ACYP2: variants seen among roughly 807,000 people sequenced by gnomAD.
ACYP2 encodes acylphosphatase-2.
Under a neutral mutation model 11.2 loss-of-function variants are expected in ACYP2, and 12 were observed. The observed-to-expected ratio is 1.08, with a 90% CI of 0.69 to 1.74. ACYP2 has a LOEUF of 1.74. ACYP2 is among the 40% of genes most tolerant of loss of function. The pLI is 0.00. For missense variants in ACYP2, 134 were observed against 101.9 expected (o/e 1.31, Z -1.35); for synonymous variants, 43 against 32.2 (o/e 1.33, Z -1.13).
At chr2:54,273,936 C>T (rs1279396765) in intron 6 of ACYP2, among the ~76,000 whole-genome samples, 7 of 152,268 alleles carry the variant, frequency 4.6e-5, no homozygotes, top group South Asian at 4.1e-4. Flanking sequence ...ACAAGTGTCT[C>T]GTTTTGTCTT....
At chr2:54,258,083 A>G (rs1687633573) in intron 6 of ACYP2, among the ~76,000 whole-genome samples, 2 of 152,204 alleles carry the variant, frequency 1.3e-5, no homozygotes, top group Admixed American at 1.3e-4. Context: ...ATAACGGTGA[A>G]CAGACCAAAG....
intron 6 of ACYP2, among the ~76,000 whole-genome samples, chr2:54,277,553 C>T (rs376949107): frequency 2.0e-5 from 3 of 152,196 alleles, no homozygotes; most frequent in African/African-American, 4.8e-5. Context: ...TGGCATGCGC[C>T]TGTAATCCCA....
intron 2 of ACYP2, among the ~76,000 whole-genome samples, chr2:53,993,297 T>C (rs536820211): frequency 6.6e-6 from 1 of 151,590 alleles, no homozygotes; most frequent in East Asian, 1.9e-4. Flanking sequence ...GAGATGATGG[T>C]GTGGAGAAGG....
At chr2:54,029,430 C>CACACATATGTATATATGTATATGT in intron 2 of ACYP2, 2 of 213,210 alleles carry the variant, frequency 9.4e-6, no homozygotes, top group South Asian at 1.6e-4. Flanking sequence ...CATATATATA[C>CACACATATGTATATATGTATATGT]ACACATATGT....
intron 3 of ACYP2, among the ~76,000 whole-genome samples, chr2:54,056,530 A>G (rs1676162195): frequency 6.6e-6 from 1 of 152,224 alleles, no homozygotes. Context: ...TCTAGATGGT[A>G]AAATAAGTAT....
chr2:54,039,755 A>G (rs147258881), intron 2 of ACYP2, among the ~76,000 whole-genome samples: 322 of 149,112 alleles, frequency 2.2e-3, no homozygotes, highest in African/African-American at 7.5e-3. Context: ...CAGAAGAGTG[A>G]TCTTCTTGAA....
rs150036134 is a variant in ACYP2 at position 54,051,233 on chromosome 2, C to T, written c.155+183C>T. On this transcript the variant is annotated intron_variant, in intron 3 of 6. Transcript: ENST00000607452. Reference sequence around the variant, plus strand: ...AATGGGCAAAGGAGATCCTAAGAAGCTGAGAGGCAAAATGTCATCATATGC... The same window carrying T: ...AATGGGCAAAGGAGATCCTAAGAAGTTGAGAGGCAAAATGTCATCATATGC... 6.7e-4 allele frequency: 590 copies of T among 874,308 alleles called. 2 individuals are homozygous for T. The African/African-American group carries it at 8.7e-3, about 13-fold the overall frequency. 54.2% of individuals were successfully genotyped at this position (874,308 alleles called of 1,614,324 possible). A position where few individuals can be genotyped will look rare whatever the true frequency, so the allele number is the denominator to read the frequency against.
At chr2:54,255,210 C>T (rs751735078) in intron 6 of ACYP2, 1 of 1,614,196 alleles carries the variant, frequency 6.2e-7, no homozygotes, top group South Asian at 1.1e-5. Context: ...AGGATCTGAC[C>T]TCATACACCT....
intron 6 of ACYP2, among the ~76,000 whole-genome samples, chr2:54,270,558 G>A (rs1016991660): frequency 6.6e-6 from 1 of 152,116 alleles, no homozygotes; most frequent in Non-Finnish European, 1.5e-5. Context: ...AGTGAGCCAT[G>A]ATCACACAAC....
At chr2:54,032,398 C>A (rs1320810940) in intron 2 of ACYP2, among the ~76,000 whole-genome samples, 1 of 152,180 alleles carries the variant, frequency 6.6e-6, no homozygotes, top group East Asian at 1.9e-4. Flanking sequence ...TCGCCCATGT[C>A]TTGTTTTCAT....
At chr2:54,085,487 G>C (rs1288079481) in intron 4 of ACYP2, among the ~76,000 whole-genome samples, 1 of 152,078 alleles carries the variant, frequency 6.6e-6, no homozygotes, top group Non-Finnish European at 1.5e-5. Context: ...TCTTAAATGT[G>C]TATATAGCTC....
At chr2:54,029,437 A>G (rs777777632) in intron 2 of ACYP2, 12 of 242,694 alleles carry the variant, frequency 4.9e-5, no homozygotes, top group Non-Finnish European at 8.9e-5. Context: ...ATACACACAT[A>G]TGTATATATG....
intron 6 of ACYP2, among the ~76,000 whole-genome samples, chr2:54,286,185 G>A (rs937941917): frequency 2.0e-5 from 3 of 150,916 alleles, no homozygotes; most frequent in Non-Finnish European, 4.4e-5. Context: ...TTGAGCCCAG[G>A]CATTCAAGAC....
chr2:54,140,533 C>CAT (rs1455487486), intron 6 of ACYP2, among the ~76,000 whole-genome samples: 1 of 132,452 alleles, frequency 7.5e-6, no homozygotes, highest in African/African-American at 2.7e-5. Flanking sequence ...CTCTCTCACA[C>CAT]ACACACACAC....
Position 54,304,891 on chromosome 2 carries a change from G to T in ACYP2, c.*89G>T. 197 of 526,494 alleles carry T rather than the reference G, an allele frequency of 3.7e-4. No homozygotes were observed. The highest frequency in any genetic ancestry group is 4.0e-4 in the East Asian group (11 of 27,246). 32.6% of individuals were successfully genotyped at this position (526,494 alleles called of 1,614,324 possible). On this transcript the variant is annotated 3_prime_UTR_variant, in exon 7 of 7. Coordinates refer to ENST00000607452, the MANE Select transcript of ACYP2 (RefSeq NM_001320586.2). ...TAGAATAATAGTAGCAGAGTAGGGT[G>T]AAAAGGAACTTTCTGTTCTGAAAGC...
chr2:54,056,373 G>T (rs1434784468), intron 3 of ACYP2, among the ~76,000 whole-genome samples: 1 of 152,220 alleles, frequency 6.6e-6, no homozygotes, highest in African/African-American at 2.4e-5. Flanking sequence ...TCCACAGGTT[G>T]TCAACATCCC....
intron 4 of ACYP2, chr2:54,065,792 T>C: frequency 3.2e-6 from 1 of 310,890 alleles, no homozygotes; most frequent in Non-Finnish European, 5.8e-6. Context: ...ATTGTTTAAA[T>C]GTCCTCTGGG....
intron 2 of ACYP2, among the ~76,000 whole-genome samples, chr2:54,007,056 C>T (rs1673102243): frequency 7.5e-6 from 1 of 132,522 alleles, no homozygotes; most frequent in Admixed American, 8.4e-5. Flanking sequence ...ACCAAGGAGG[C>T]GGAACCTAGG....
intron 2 of ACYP2, among the ~76,000 whole-genome samples, chr2:54,027,359 T>C (rs1674339773): frequency 6.6e-6 from 1 of 152,118 alleles, no homozygotes; most frequent in Non-Finnish European, 1.5e-5. Context: ...AAGGCTGTCA[T>C]GTAACAGCTG....
Sources: gnomAD v4.1 joint callset for allele counts (sites outside exome capture counted in the v4.1 genomes callset) on GRCh38, gnomAD v4.1.1 for gene constraint, MANE v1.5 for transcripts, NCBI Gene and HGNC (gene_info 2026-07-23, HGNC 2026-07-21) for gene names.